Variants in ASAP1 observed in about 807,000 individuals in gnomAD.
ASAP1 encodes the protein arf-GAP with SH3 domain, ANK repeat and PH domain-containing protein 1.
In ASAP1, 43 loss-of-function variants were observed where a neutral mutation model predicts 145.2. That is an observed-to-expected ratio of 0.30 (90% CI 0.23 to 0.38). The LOEUF (loss-of-function observed/expected upper bound fraction) is 0.38, where lower values mean the gene tolerates loss of function less well. Ranked by LOEUF, ASAP1 falls within the 10% of genes least tolerant of loss-of-function variation. ASAP1 has a pLI of 1.00. For synonymous variants in ASAP1, 546 were observed against 515.5 expected (o/e 1.06, Z -0.80); for missense variants, 1,018 against 1,355.3 (o/e 0.75, Z 3.91).
chr8:130,057,894 G>A, intron 29 of ASAP1, 60 bp downstream of exon 29: 2 of 1,599,054 alleles, frequency 1.3e-6, no homozygotes, highest in Non-Finnish European at 1.7e-6. Flanking sequence ...CTCCAATGTG[G>A]TGCCTGCCCA....
At chr8:130,212,898 T>A (rs1816673875) in intron 5 of ASAP1, among the ~76,000 whole-genome samples, 1 of 152,142 alleles carries the variant, frequency 6.6e-6, no homozygotes, top group African/African-American at 2.4e-5. Context: ...ATACATTTGG[T>A]CCTTGGAAAC....
intron 24 of ASAP1, among the ~76,000 whole-genome samples, 153 bp from the exon 25 acceptor site, chr8:130,092,296 A>G (rs2097507167): frequency 6.6e-6 from 1 of 151,920 alleles, no homozygotes; most frequent in South Asian, 2.1e-4. Context: ...TCAACCTAAT[A>G]ACTCACAAGT....
At chr8:130,300,149 C>CAGAGAG (rs1248977728) in intron 3 of ASAP1, among the ~76,000 whole-genome samples, 22 of 88,728 alleles carry the variant, frequency 2.5e-4, no homozygotes, top group African/African-American at 7.4e-4. Flanking sequence ...CACACACACA[C>CAGAGAG]ACACAGAGAG....
At chr8:130,273,274 A>G (rs955557421) in intron 3 of ASAP1, among the ~76,000 whole-genome samples, 8 of 152,170 alleles carry the variant, frequency 5.3e-5, no homozygotes, top group Non-Finnish European at 1.2e-4. Flanking sequence ...ATATGAAGAA[A>G]GCCCATATGC....
At chr8:130,150,087 G>A (rs1256790728) in intron 13 of ASAP1, among the ~76,000 whole-genome samples, 3 of 152,140 alleles carry the variant, frequency 2.0e-5, no homozygotes, top group Non-Finnish European at 2.9e-5. Context: ...GGCCACACAT[G>A]GCATGTTATC....
In ASAP1 at chr8:130,092,005, T is replaced by A. The variant is rs752180808; in HGVS notation, c.2540A>T (p.His847Leu). ...AACTGCGCCTTTGTTTGGGGGCCCA[T>A]GAGGTAGTGGGCTGGGAGGGTCGGA... ...TLSDPPSPLP[H>L]GPPNKGAVPW... is the part of the protein sequence containing the mutation. Residue 847 changes from histidine to leucine, a missense_variant, in exon 25 of 30, where the codon CAT (histidine) becomes CTT (leucine). This residue lies in a region of ASAP1 where 353 missense variants were observed against 375.4 expected (regional missense o/e 0.94). Transcript: ENST00000518721. 2 of 1,561,272 alleles carry A rather than the reference T, an allele frequency of 1.3e-6. No homozygotes were observed. The highest frequency in any genetic ancestry group is 2.4e-5 in the South Asian group (2 of 84,760).
chr8:130,204,078 G>C (rs1816044858), intron 5 of ASAP1, among the ~76,000 whole-genome samples: 1 of 152,178 alleles, frequency 6.6e-6, no homozygotes, highest in African/African-American at 2.4e-5. Flanking sequence ...GGCTTGTTAG[G>C]AACCAGGCCA....
At position 130,137,019 on chromosome 8, in the gene ASAP1, T is replaced by C; in HGVS notation, c.1100A>G (p.Lys367Arg). The C allele has an allele frequency of 6.2e-7, 1 of 1,614,250 alleles. No individual in the cohort carries two copies. Among genetic ancestry groups the C allele is most frequent in the Non-Finnish European group, 8.5e-7 (1 of 1,180,042 alleles). Residue 367 changes from lysine to arginine, a missense_variant, in exon 14 of 30, where the codon AAG becomes AGG. By Grantham distance (26) the Lys-to-Arg change is conservative. Around this residue, in one of 9 missense-constraint regions of ASAP1, gnomAD observed 27 missense variants for 88.2 expected, o/e 0.31. Coordinates refer to ENST00000518721, the MANE Select transcript of ASAP1 (RefSeq NM_018482.4). Reference sequence around the variant, plus strand: ...TACTTGGCAGGTGAGAAGGTTCAACTTGGCTGGTTGCCTGTTAGACTGGAA... The same window carrying C: ...TACTTGGCAGGTGAGAAGGTTCAACCTGGCTGGTTGCCTGTTAGACTGGAA... ...SHATSNRQPAKLNLLTCQVKP... is the reference protein window; with the variant it reads ...SHATSNRQPARLNLLTCQVKP...
chr8:130,306,371 G>T (rs530007833), intron 3 of ASAP1, among the ~76,000 whole-genome samples: 1 of 152,236 alleles, frequency 6.6e-6, no homozygotes, highest in Non-Finnish European at 1.5e-5. Context: ...CAGTCACTTG[G>T]ATTAATAGCT....
intron 4 of ASAP1, among the ~76,000 whole-genome samples, chr8:130,234,602 A>G (rs1251762917): frequency 6.6e-6 from 1 of 152,174 alleles, no homozygotes; most frequent in African/African-American, 2.4e-5. Context: ...ATCCCCCAGT[A>G]GAGGAGCCTT....
At chr8:130,360,795 A>T (rs1273206106) in intron 2 of ASAP1, 1 of 152,266 alleles carries the variant, frequency 6.6e-6, no homozygotes, top group East Asian at 1.9e-4. Flanking sequence ...CCATACCTGG[A>T]GGTCACTTGC....
At chr8:130,102,590 T>G (rs1447105831) in intron 24 of ASAP1, among the ~76,000 whole-genome samples, 2 of 152,206 alleles carry the variant, frequency 1.3e-5, no homozygotes, top group Non-Finnish European at 2.9e-5. Context: ...GGTTTTGGTA[T>G]TAGGGCAATG....
intron 3 of ASAP1, among the ~76,000 whole-genome samples, chr8:130,280,380 G>A (rs1371990727): frequency 6.6e-6 from 1 of 152,216 alleles, no homozygotes; most frequent in Non-Finnish European, 1.5e-5. Context: ...TGGGCATTTT[G>A]TGGATAAAGT....
At chr8:130,102,352 C>A (rs2097530192) in intron 24 of ASAP1, among the ~76,000 whole-genome samples, 1 of 152,136 alleles carries the variant, frequency 6.6e-6, no homozygotes, top group South Asian at 2.1e-4. Flanking sequence ...CCATTTAGGT[C>A]ATCATATGGC....
intron 1 of ASAP1, among the ~76,000 whole-genome samples, chr8:130,404,994 G>T (rs2138597974): frequency 6.6e-6 from 1 of 151,920 alleles, no homozygotes; most frequent in Admixed American, 6.6e-5. Context: ...CATGCAACTA[G>T]ATCAGCCAAA....
At chr8:130,145,949 C>T (rs2097628550) in intron 13 of ASAP1, among the ~76,000 whole-genome samples, 1 of 151,266 alleles carries the variant, frequency 6.6e-6, no homozygotes, top group African/African-American at 2.4e-5. Flanking sequence ...TTCAGTGATC[C>T]TCCTGCCTGA....
intron 2 of ASAP1, among the ~76,000 whole-genome samples, chr8:130,394,889 A>C (rs993623533): frequency 5.3e-5 from 8 of 152,188 alleles, no homozygotes; most frequent in African/African-American, 1.7e-4. Flanking sequence ...GAGAGGAGGA[A>C]ATGTATCCAG....
intron 4 of ASAP1, among the ~76,000 whole-genome samples, chr8:130,224,025 A>G (rs965770919): frequency 2.6e-5 from 4 of 152,166 alleles, no homozygotes; most frequent in African/African-American, 9.7e-5. Flanking sequence ...TAACCTACCA[A>G]GCATCCTGTT....
intron 4 of ASAP1, among the ~76,000 whole-genome samples, chr8:130,216,963 T>C (rs368941641): frequency 6.6e-6 from 1 of 152,258 alleles, no homozygotes; most frequent in Admixed American, 6.5e-5. Context: ...AACACTGTTA[T>C]ACTGTGCATC....
Sources: allele counts gnomAD v4.1 joint callset (sites outside exome capture counted in the v4.1 genomes callset), GRCh38; gene constraint gnomAD v4.1.1; regional missense constraint gnomAD v4.1.1; transcripts MANE v1.5; gene names NCBI Gene and HGNC (gene_info 2026-07-23, HGNC 2026-07-21).